Variants in KCND3 observed in about 807,000 individuals in gnomAD.
KCND3 encodes the protein potassium voltage-gated channel subfamily D member 3, also known as A-type voltage-gated potassium channel KCND3.
In KCND3, 9 loss-of-function variants were observed where a neutral mutation model predicts 51.1. That is an observed-to-expected ratio of 0.18 (90% CI 0.11 to 0.31). The LOEUF (loss-of-function observed/expected upper bound fraction) is 0.31. KCND3 is among the 10% of genes least tolerant of loss of function. The pLI is 1.00. For missense variants in KCND3, 526 were observed against 903.8 expected (o/e 0.58, Z 5.36); for synonymous variants, 349 against 368.0 (o/e 0.95, Z 0.59).
intron 2 of KCND3, among the ~76,000 whole-genome samples, chr1:111,874,454 G>A (rs372975380): frequency 2.4e-4 from 37 of 152,260 alleles, no homozygotes; most frequent in Middle Eastern, 3.4e-3. Context: ...CGTTTTGTCT[G>A]CTCTTTAAAG....
intron 2 of KCND3, among the ~76,000 whole-genome samples, chr1:111,868,117 G>A (rs1668659642): frequency 6.6e-6 from 1 of 152,204 alleles, no homozygotes. Flanking sequence ...TCAGTTACTT[G>A]TGGTCAACCA....
At chr1:111,942,324 G>A (rs532843962) in intron 2 of KCND3, among the ~76,000 whole-genome samples, 1 of 152,190 alleles carries the variant, frequency 6.6e-6, no homozygotes, top group South Asian at 2.1e-4. Flanking sequence ...GTGTGGCGGG[G>A]GAGCAAGACA....
At chr1:111,805,546 C>G (rs1331370041) in intron 2 of KCND3, among the ~76,000 whole-genome samples, 1 of 152,234 alleles carries the variant, frequency 6.6e-6, no homozygotes, top group Non-Finnish European at 1.5e-5. Flanking sequence ...GAAAATTAAT[C>G]TTAGAAATGT....
chr1:111,823,638 TG>T (rs1366343509), intron 2 of KCND3, among the ~76,000 whole-genome samples: 1 of 152,168 alleles, frequency 6.6e-6, no homozygotes, highest in African/African-American at 2.4e-5. Context: ...GTGCATTATG[TG>T]GGGTCCATTA....
rs77048884 is a variant in KCND3, at chr1:111,984,411, T to C, written c.-72-1613A>G. 7.3e-3 allele frequency among the ~76,000 whole-genome samples: 1,116 copies of C among 152,292 alleles called. 13 individuals are homozygous for C. Among genetic ancestry groups the C allele is most frequent in the African/African-American group, 0.025 (1,042 of 41,544 alleles). ...CATGACGTCCCTAACTGCAGGGCTG[T>C]CACCTTGACCATTTTTCTCTAAAGA... On this transcript the variant is annotated intron_variant, in intron 1 of 7. Coordinates refer to ENST00000302127, the MANE Select transcript of KCND3 (RefSeq NM_001378969.1).
intron 2 of KCND3, among the ~76,000 whole-genome samples, chr1:111,947,342 C>T (rs1363201749): frequency 6.6e-6 from 1 of 152,192 alleles, no homozygotes; most frequent in Non-Finnish European, 1.5e-5. Context: ...GTGAGTAAAA[C>T]AAGGTTCTTG....
intron 2 of KCND3, among the ~76,000 whole-genome samples, chr1:111,870,615 AG>A (rs1169728432): frequency 9.2e-5 from 14 of 152,188 alleles, no homozygotes; most frequent in African/African-American, 3.4e-4. Flanking sequence ...ATCTGTGCAG[AG>A]GGAGCATCAA....
At chr1:111,874,882 C>T (rs955999987) in intron 2 of KCND3, among the ~76,000 whole-genome samples, 2 of 152,214 alleles carry the variant, frequency 1.3e-5, no homozygotes, top group South Asian at 2.1e-4. Flanking sequence ...TCAAACATCT[C>T]GCTCCAGGCT....
intron 2 of KCND3, among the ~76,000 whole-genome samples, chr1:111,792,919 A>G (rs1365028414): frequency 8.1e-5 from 12 of 148,308 alleles, no homozygotes; most frequent in Non-Finnish European, 1.2e-4. Flanking sequence ...AATTATAGAT[A>G]TGTAATTATA....
chr1:111,966,905 C>T (rs1557754120), intron 2 of KCND3, among the ~76,000 whole-genome samples: 1 of 152,124 alleles, frequency 6.6e-6, no homozygotes, highest in East Asian at 1.9e-4. Flanking sequence ...CTTTGGGAGG[C>T]CAAGGTGGGC....
At chr1:111,942,295 C>T (rs1672560889) in intron 2 of KCND3, among the ~76,000 whole-genome samples, 1 of 152,230 alleles carries the variant, frequency 6.6e-6, no homozygotes, top group Admixed American at 6.5e-5. Flanking sequence ...TCCCCCGTCC[C>T]TGTGGGGCTT....
At chr1:111,862,604 C>T (rs1263822721) in intron 2 of KCND3, among the ~76,000 whole-genome samples, 1 of 152,182 alleles carries the variant, frequency 6.6e-6, no homozygotes, top group Non-Finnish European at 1.5e-5. Context: ...AGGAAAGAAC[C>T]GTGTAGGAGT....
intron 2 of KCND3, among the ~76,000 whole-genome samples, chr1:111,805,275 C>T (rs1051955396): frequency 2.0e-5 from 3 of 152,228 alleles, no homozygotes; most frequent in African/African-American, 7.2e-5. Flanking sequence ...TACATCTCAG[C>T]CCAGTCCACC....
chr1:111,932,278 G>A (rs1016668349), intron 2 of KCND3, among the ~76,000 whole-genome samples: 2 of 152,236 alleles, frequency 1.3e-5, no homozygotes, highest in Non-Finnish European at 2.9e-5. Flanking sequence ...AGCAGGGGAT[G>A]AGAGTTTGGG....
intron 2 of KCND3, chr1:111,909,488 C>G (rs1670825500): frequency 6.6e-6 from 1 of 152,124 alleles, no homozygotes; most frequent in Non-Finnish European, 1.5e-5. Context: ...ATGGGAGAAC[C>G]AAACAGCAAA....
chr1:111,866,327 C>T (rs1346298802), intron 2 of KCND3, among the ~76,000 whole-genome samples: 9 of 135,750 alleles, frequency 6.6e-5, no homozygotes, highest in Non-Finnish European at 1.4e-4. Context: ...CGCAGTGGGG[C>T]GATCTAGGTT....
At chr1:111,881,582 G>A (rs1295371354) in intron 2 of KCND3, among the ~76,000 whole-genome samples, 1 of 152,216 alleles carries the variant, frequency 6.6e-6, no homozygotes, top group Non-Finnish European at 1.5e-5. Flanking sequence ...CACCTCCAAT[G>A]TCTCTAGGAG....
At chr1:111,866,034 A>C (rs1420649258) in intron 2 of KCND3, among the ~76,000 whole-genome samples, 1 of 151,872 alleles carries the variant, frequency 6.6e-6, no homozygotes, top group Non-Finnish European at 1.5e-5. Flanking sequence ...CAATTGAAAA[A>C]ATTTTTCTTT....
chr1:111,915,331 T>G (rs570721035), intron 2 of KCND3, among the ~76,000 whole-genome samples: 1 of 152,064 alleles, frequency 6.6e-6, no homozygotes, highest in Non-Finnish European at 1.5e-5. Context: ...ATAATCACAT[T>G]GGATTTTTTT....
Sources: allele counts gnomAD v4.1 joint callset (sites outside exome capture counted in the v4.1 genomes callset), GRCh38; gene constraint gnomAD v4.1.1; transcripts MANE v1.5; gene names NCBI Gene and HGNC (gene_info 2026-07-23, HGNC 2026-07-21).